Variants in DIAPH1 observed in about 807,000 individuals in gnomAD.
The protein encoded by DIAPH1 is protein diaphanous homolog 1.
DIAPH1 carries 46 observed loss-of-function variants against 140.7 expected under a neutral mutation model. The observed-to-expected ratio is 0.33, with a 90% CI of 0.26 to 0.42. The LOEUF (loss-of-function observed/expected upper bound fraction) is 0.42, where lower values mean the gene tolerates loss of function less well. Ranked by LOEUF, DIAPH1 falls within the 10% of genes least tolerant of loss-of-function variation. The pLI is 1.00. For missense variants in DIAPH1, 1,310 were observed against 1,558.7 expected, an observed-to-expected ratio of 0.84 and a Z score of 2.69; for synonymous variants, 565 against 551.6, an observed-to-expected ratio of 1.02 and a Z score of -0.34.
At chr5:141,601,028 G>C (rs1456431332) in intron 1 of DIAPH1, among the ~76,000 whole-genome samples, 1 of 151,928 alleles carries the variant, frequency 6.6e-6, no homozygotes, top group Non-Finnish European at 1.5e-5. Flanking sequence ...ACTGAACAAT[G>C]AGAACACCTG....
intron 7 of DIAPH1, among the ~76,000 whole-genome samples, chr5:141,581,221 G>A (rs957914575): frequency 1.3e-5 from 2 of 152,130 alleles, no homozygotes; most frequent in Non-Finnish European, 2.9e-5. Flanking sequence ...ACAAGATAAG[G>A]AGTGCCAAGG....
At chr5:141,584,860 T>C (rs1000482630) in intron 3 of DIAPH1, among the ~76,000 whole-genome samples, 2 of 152,180 alleles carry the variant, frequency 1.3e-5, no homozygotes, top group Non-Finnish European at 2.9e-5. Context: ...AATTCCAGAA[T>C]GTTATTTGAA....
At chr5:141,546,394 A>T (rs560804878) in intron 18 of DIAPH1, among the ~76,000 whole-genome samples, 1 of 152,282 alleles carries the variant, frequency 6.6e-6, no homozygotes, top group East Asian at 1.9e-4. Context: ...GTGGTGGCTC[A>T]CACCTGTAAT....
intron 24 of DIAPH1, 73 bp from the exon 25 acceptor site, chr5:141,526,534 C>G (rs2099887349): frequency 6.3e-7 from 1 of 1,577,404 alleles, no homozygotes; most frequent in African/African-American, 1.3e-5. Flanking sequence ...AGGAATTACT[C>G]AAAGATGAGT....
intron 18 of DIAPH1, 162 bp from the exon 19 acceptor site, chr5:141,534,595 T>A: frequency 1.6e-6 from 1 of 643,810 alleles, no homozygotes; most frequent in South Asian, 1.8e-5. Flanking sequence ...ACCACCCTTT[T>A]ATTACTGAAC....
At chr5:141,618,033 G>T (rs905879678) in intron 1 of DIAPH1, among the ~76,000 whole-genome samples, 8 of 152,202 alleles carry the variant, frequency 5.3e-5, no homozygotes, top group Non-Finnish European at 8.8e-5. Context: ...CACAGGAGAG[G>T]TTTATCACCA....
chr5:141,568,184 G>T (rs189262674), intron 18 of DIAPH1, among the ~76,000 whole-genome samples: 2 of 150,618 alleles, frequency 1.3e-5, no homozygotes, highest in Non-Finnish European at 2.9e-5. Flanking sequence ...AAAAGACAGC[G>T]AAGAGAAGAA....
intron 18 of DIAPH1, among the ~76,000 whole-genome samples, chr5:141,541,053 T>C (rs1289699777): frequency 6.6e-6 from 1 of 151,966 alleles, no homozygotes; most frequent in Non-Finnish European, 1.5e-5. Context: ...TCATCAAATA[T>C]ATGATGGCAG....
rs79558427 is a variant in DIAPH1, at chr5:141,527,699, T to TAAAA, written c.3149-6_3149-3dup. 1.8e-3 allele frequency: 2,027 copies of TAAAA among 1,130,846 alleles called. 7 individuals are homozygous for TAAAA. Among genetic ancestry groups the TAAAA allele is most frequent in the African/African-American group, 0.013 (524 of 40,852 alleles). 70.1% of individuals were successfully genotyped at this position (1,130,846 alleles called of 1,614,324 possible). A position where few individuals can be genotyped will look rare whatever the true frequency, so the allele number is the denominator to read the frequency against. On this transcript the variant is annotated splice_polypyrimidine_tract_variant and splice_region_variant and intron_variant, in intron 23 of 27. Transcript: ENST00000389054. ...TCTTTTGCAAGTTTTCAGCAGAAACTAAAAAAAAAAAAAAAAAAAAAAACC... is the reference window on the plus strand; with the variant it reads ...TCTTTTGCAAGTTTTCAGCAGAAACTAAAAAAAAAAAAAAAAAAAAAAAAAAACC...
At chr5:141,594,017 A>G (rs965759131) in intron 1 of DIAPH1, among the ~76,000 whole-genome samples, 24 of 152,230 alleles carry the variant, frequency 1.6e-4, no homozygotes, top group Middle Eastern at 3.4e-3. Context: ...GCTGGTCTGG[A>G]ACTCCTGACC....
chr5:141,580,890 G>C lies in DIAPH1; in HGVS notation c.685-7C>G. 1.2e-6 allele frequency: 2 copies of C among 1,613,892 alleles called. No individual in the cohort carries two copies. Among genetic ancestry groups the C allele is most frequent in the Non-Finnish European group, 1.7e-6 (2 of 1,179,990 alleles). On this transcript the variant is annotated splice_region_variant and splice_polypyrimidine_tract_variant and intron_variant, in intron 7 of 27. Transcript: ENST00000389054. ...ACATGGTCTTGATTCCAAACTGGTA[G>C]GACCAAGAACAAAGAAAGGAGGCTG...
intron 17 of DIAPH1, 99 bp from the exon 18 acceptor site, chr5:141,571,535 T>C: frequency 1.9e-6 from 2 of 1,031,274 alleles, no homozygotes; most frequent in Non-Finnish European, 3.0e-6. Context: ...CTGTAGACAG[T>C]CACTCAGTCA....
chr5:141,567,965 T>C (rs1327542980), intron 18 of DIAPH1, among the ~76,000 whole-genome samples: 1 of 152,252 alleles, frequency 6.6e-6, no homozygotes, highest in Non-Finnish European at 1.5e-5. Context: ...TTTTCTAAAT[T>C]ACTGCCATTA....
chr5:141,523,831 T>C (rs563806376), intron 27 of DIAPH1, among the ~76,000 whole-genome samples: 69 of 151,846 alleles, frequency 4.5e-4, no homozygotes, highest in African/African-American at 1.6e-3. Context: ...TCAACTTTTG[T>C]TCATACACAC....
At chr5:141,564,777 A>G (rs1246088386) in intron 18 of DIAPH1, 2 of 152,254 alleles carry the variant, frequency 1.3e-5, no homozygotes, top group East Asian at 1.9e-4. Context: ...AAGGAAAAAA[A>G]GTAACAGAAC....
At chr5:141,554,509 T>C (rs1264505984) in intron 18 of DIAPH1, among the ~76,000 whole-genome samples, 1 of 145,770 alleles carries the variant, frequency 6.9e-6, no homozygotes, top group Non-Finnish European at 1.5e-5. Context: ...TCCACCAATT[T>C]TACGCAAAAA....
intron 1 of DIAPH1, 74 bp downstream of exon 1, chr5:141,618,723 GC>G: frequency 3.6e-6 from 4 of 1,098,764 alleles, no homozygotes; most frequent in Non-Finnish European, 5.3e-6. Context: ...CCGGGCAGGC[GC>G]CCCAGGGGCC....
At chr5:141,536,137 A>C (rs531846770) in intron 18 of DIAPH1, 10 of 387,994 alleles carry the variant, frequency 2.6e-5, no homozygotes, top group African/African-American at 1.7e-4. Flanking sequence ...CTGTCTCTAT[A>C]AAAAAAGTTC....
In DIAPH1 at chr5:141,609,502, G is replaced by C. The variant is rs970452931; in HGVS notation, c.117+9296C>G. The stretch of plus-strand genomic sequence containing the variant: ...TAACTAGTTCTATGTCTTCAAGCAG[G>C]CTGCTTGATCTGAGTTCCAGTTTCA... On this transcript the variant is annotated intron_variant, in intron 1 of 27. Coordinates refer to ENST00000389054, the MANE Select transcript of DIAPH1 (RefSeq NM_005219.5). Among the ~76,000 whole-genome samples, 5 of 152,146 alleles carry C rather than the reference G, an allele frequency of 3.3e-5. No individual in the cohort carries two copies. The South Asian group carries it at 6.2e-4, about 19-fold the overall frequency.
Sources: allele counts gnomAD v4.1 joint callset (sites outside exome capture counted in the v4.1 genomes callset), GRCh38; gene constraint gnomAD v4.1.1; transcripts MANE v1.5; gene names NCBI Gene and HGNC (gene_info 2026-07-23, HGNC 2026-07-21).